Variants in TCF12 observed in about 807,000 individuals in gnomAD.
The protein encoded by TCF12 is transcription factor 12.
A neutral mutation model predicts 86.0 loss-of-function variants in TCF12; 45 were observed. That is an observed-to-expected ratio of 0.52 (90% CI 0.41 to 0.67). The LOEUF is 0.67. Ranked by LOEUF, TCF12 falls within the 30% of genes least tolerant of loss-of-function variation. The pLI, the probability that TCF12 is intolerant of heterozygous loss-of-function variation, is 0.00. For synonymous variants in TCF12, 330 were observed against 299.6 expected (o/e 1.10, Z -1.05); for missense variants, 881 against 859.9 (o/e 1.02, Z -0.31).
At chr15:57,065,943 T>G (rs1030427150) in intron 4 of TCF12, among the ~76,000 whole-genome samples, 3 of 152,176 alleles carry the variant, frequency 2.0e-5, no homozygotes, top group Non-Finnish European at 4.4e-5. Flanking sequence ...AGAGTGAAGA[T>G]TTAATGCTAC....
At chr15:57,231,364 C>G in intron 9 of TCF12, 107 bp downstream of exon 9, 1 of 802,642 alleles carries the variant, frequency 1.2e-6, no homozygotes, top group Non-Finnish European at 1.9e-6. Flanking sequence ...CTTATTTAGG[C>G]ATTTTTTTTG....
chr15:57,197,736 T>C, intron 7 of TCF12, 37 bp from the exon 8 acceptor site: 2 of 1,606,908 alleles, frequency 1.2e-6, no homozygotes, highest in Non-Finnish European at 1.7e-6. Flanking sequence ...TTTTCTGGTA[T>C]ATTATGCTGA....
At chr15:57,124,888 A>AGCCAGGATG (rs3051113) in intron 5 of TCF12, among the ~76,000 whole-genome samples, 148,702 of 151,922 alleles carry the variant, frequency 0.98, 72,866 homozygotes, top group East Asian at 1. Context: ...TCACCGTGTC[A>AGCCAGGATG]GTCTTGATCT....
chr15:57,210,452 A>C (rs2058054723), intron 8 of TCF12, among the ~76,000 whole-genome samples: 1 of 152,072 alleles, frequency 6.6e-6, no homozygotes, highest in Admixed American at 6.6e-5. Flanking sequence ...CCAGGTTTTC[A>C]TCAGAAAACT....
rs1398038990 is a variant in TCF12 at position 57,107,126 on chromosome 15, G to A, written c.325+15235G>A. Among the ~76,000 whole-genome samples the A allele has an allele frequency of 6.6e-5, 10 of 152,306 alleles. No individual in the cohort carries two copies. In the South Asian group the frequency reaches 1.9e-3, roughly 28 times the overall value. ...AGTAATATGCACATAGAAGTTTATAGCAGCTTTGTTCATAATTGCCAAACC... is the reference window on the plus strand; with the variant it reads ...AGTAATATGCACATAGAAGTTTATAACAGCTTTGTTCATAATTGCCAAACC... On this transcript the variant is annotated intron_variant, in intron 5 of 20. Coordinates refer to ENST00000333725, the MANE Select transcript of TCF12 (RefSeq NM_207037.2).
At chr15:57,281,567 G>A (rs1189113604) in intron 19 of TCF12, 4 of 152,244 alleles carry the variant, frequency 2.6e-5, no homozygotes, top group African/African-American at 4.8e-5. Flanking sequence ...TGTATTTACC[G>A]ACACTCCCCA....
At chr15:57,134,936 C>G (rs2052412149) in intron 5 of TCF12, among the ~76,000 whole-genome samples, 1 of 145,064 alleles carries the variant, frequency 6.9e-6, no homozygotes, top group African/African-American at 2.5e-5. Context: ...TCCTCCTTTT[C>G]CTGTACTGTT....
chr15:57,043,118 G>T lies in TCF12; in HGVS notation c.149-20632G>T, dbSNP rs567265759. Among the ~76,000 whole-genome samples, 3 of 152,204 alleles carry T rather than the reference G, an allele frequency of 2.0e-5. No individual in the cohort carries two copies. In the South Asian group the frequency reaches 6.2e-4, roughly 32 times the overall value. Reference sequence around the variant, plus strand: ...AAGGCTAAATAATATTTTATTGCACGTGTGTACCACATTTTCTTTATTTTT... The same window carrying T: ...AAGGCTAAATAATATTTTATTGCACTTGTGTACCACATTTTCTTTATTTTT... On this transcript the variant is annotated intron_variant, in intron 3 of 20. Coordinates refer to ENST00000333725, the MANE Select transcript of TCF12 (RefSeq NM_207037.2).
chr15:56,948,352 C>T (rs1317076336), intron 3 of TCF12, among the ~76,000 whole-genome samples: 1 of 152,106 alleles, frequency 6.6e-6, no homozygotes, highest in African/African-American at 2.4e-5. Flanking sequence ...GAAAAGCCTG[C>T]ATAAGGTTGC....
chr15:56,958,665 G>GAA (rs2061599185), intron 3 of TCF12, among the ~76,000 whole-genome samples: 2 of 65,446 alleles, frequency 3.1e-5, no homozygotes, highest in African/African-American at 1.0e-4. Context: ...ATGAGAAAGA[G>GAA]AGAGAGAGAG....
Position 57,282,609 on chromosome 15 carries a change from G to C in TCF12, c.*11+11G>C. 1 of 1,600,378 alleles carries C rather than the reference G, an allele frequency of 6.2e-7. No individual in the cohort carries two copies. Among genetic ancestry groups the C allele is most frequent in the Non-Finnish European group, 8.5e-7 (1 of 1,175,666 alleles). ...GTAAACATCAGCCAGGTAAGTACGG[G>C]TTTGAAAAGAAACAGCAAGGAAATA... On this transcript the variant is annotated intron_variant, in intron 20 of 20. Coordinates refer to ENST00000333725, the MANE Select transcript of TCF12 (RefSeq NM_207037.2).
chr15:57,155,787 T>C (rs531329078), intron 5 of TCF12, among the ~76,000 whole-genome samples: 4 of 152,250 alleles, frequency 2.6e-5, no homozygotes, highest in Non-Finnish European at 5.9e-5. Flanking sequence ...CATTCATAAA[T>C]AAATGAGAAC....
chr15:56,988,203 A>T (rs1417916269), intron 3 of TCF12, among the ~76,000 whole-genome samples: 1 of 152,302 alleles, frequency 6.6e-6, no homozygotes, highest in East Asian at 1.9e-4. Context: ...CTTGACAGGG[A>T]TAAGTTGTAA....
At chr15:57,047,895 A>G (rs2067339898) in intron 3 of TCF12, among the ~76,000 whole-genome samples, 1 of 152,258 alleles carries the variant, frequency 6.6e-6, no homozygotes, top group African/African-American at 2.4e-5. Flanking sequence ...GTTGTATGGC[A>G]TAGCCTTTTG....
At chr15:57,092,464 T>A (rs540592992) in intron 5 of TCF12, among the ~76,000 whole-genome samples, 1 of 152,202 alleles carries the variant, frequency 6.6e-6, no homozygotes, top group Non-Finnish European at 1.5e-5. Context: ...TTGATTTTTA[T>A]GTTTAGGCAA....
intron 6 of TCF12, among the ~76,000 whole-genome samples, chr15:57,191,068 A>T (rs2056953796): frequency 6.6e-6 from 1 of 152,222 alleles, no homozygotes; most frequent in African/African-American, 2.4e-5. Context: ...ATCATTCTTA[A>T]CCCCTTAATG....
chr15:57,151,141 ATTTTTTT>A (rs756072811), intron 5 of TCF12, among the ~76,000 whole-genome samples: 1 of 128,152 alleles, frequency 7.8e-6, no homozygotes, highest in African/African-American at 2.9e-5. Flanking sequence ...TGCCTGGCCA[ATTTTTTT>A]TTTTTTTTTT....
chr15:57,251,331 T>G lies in TCF12; in HGVS notation c.1115-19T>G, dbSNP rs746029446. The G allele has an allele frequency of 1.2e-6, 2 of 1,611,386 alleles. No individual in the cohort carries two copies. The highest frequency in any genetic ancestry group is 1.7e-6 in the Non-Finnish European group (2 of 1,177,632). On this transcript the variant is annotated intron_variant, in intron 13 of 20. Transcript: ENST00000333725. ...CACTGAGTTAACCCAGGTGTGTGGC[T>G]ACTTTTGGGTTTTAACAGGTACCAG...
intron 3 of TCF12, among the ~76,000 whole-genome samples, chr15:57,062,139 G>T (rs2068504592): frequency 6.6e-6 from 1 of 151,990 alleles, no homozygotes; most frequent in African/African-American, 2.4e-5. Context: ...TGTATTTTTA[G>T]TAGAGACGGG....
Sources: allele counts gnomAD v4.1 joint callset (sites outside exome capture counted in the v4.1 genomes callset), GRCh38; gene constraint gnomAD v4.1.1; transcripts MANE v1.5; gene names NCBI Gene and HGNC (gene_info 2026-07-23, HGNC 2026-07-21).